Variants in ARHGEF10L observed in about 807,000 individuals in gnomAD.
The protein encoded by ARHGEF10L is Rho guanine nucleotide exchange factor 10 like.
In ARHGEF10L, 69 loss-of-function variants were observed where a neutral mutation model predicts 141.2. That is an observed-to-expected ratio of 0.49 (90% confidence interval 0.40 to 0.60). The LOEUF (loss-of-function observed/expected upper bound fraction) is 0.60, where lower values mean the gene tolerates loss of function less well. ARHGEF10L is among the 20% of genes least tolerant of loss of function. The probability of loss-of-function intolerance (pLI) is 0.00; values close to 1 mark genes in which losing one functional copy is unlikely to be tolerated. For missense variants in ARHGEF10L, 1,482 were observed against 1,734.3 expected, an observed-to-expected ratio of 0.85 and a Z score of 2.58; for synonymous variants, 711 against 718.5, an observed-to-expected ratio of 0.99 and a Z score of 0.17.
the ARHGEF10L span, among the ~76,000 whole-genome samples, chr1:17,514,221 C>T: frequency 2.0e-5 from 3 of 150,072 alleles, no homozygotes; most frequent in Non-Finnish European, 3.0e-5. Flanking sequence ...ACTGCAACCC[C>T]GCCTCTTGAG....
intron 1 of ARHGEF10L, among the ~76,000 whole-genome samples, chr1:17,548,225 T>A (rs538994058): frequency 6.6e-6 from 1 of 152,238 alleles, no homozygotes; most frequent in Non-Finnish European, 1.5e-5. Flanking sequence ...AAAAGACAGA[T>A]TAATAGGAGA....
At chr1:17,650,228 A>C (rs868660328) in intron 22 of ARHGEF10L, among the ~76,000 whole-genome samples, 11 of 148,646 alleles carry the variant, frequency 7.4e-5, no homozygotes, top group Admixed American at 2.7e-4. Flanking sequence ...TGGGCAACAT[A>C]GTAAGATCCC....
chr1:17,626,004 G>A lies in ARHGEF10L; in HGVS notation c.1366G>A (p.Val456Ile), dbSNP rs1432117417. 1 of 1,613,970 alleles carries A rather than the reference G, an allele frequency of 6.2e-7. No individual in the cohort carries two copies. The highest frequency in any genetic ancestry group is 2.2e-5 in the East Asian group (1 of 44,860). ...CCGTGTCACCCTCTACGGGCTGATG[G>A]TCAAGCCCATCCAGAGGTTCCCACA... ...PDRVTLYGLMVKPIQRFPQFI... is the reference protein window; with the variant it reads ...PDRVTLYGLMIKPIQRFPQFI... Residue 456 changes from valine (V) to isoleucine (I), a missense_variant, in exon 14 of 29, where the codon GTC becomes ATC. This residue lies in a region of ARHGEF10L where 392 missense variants were observed against 542.1 expected (regional missense o/e 0.72). Coordinates refer to ENST00000361221, the MANE Select transcript of ARHGEF10L (RefSeq NM_018125.4).
At chr1:17,609,334 C>T (rs2059422385) in intron 7 of ARHGEF10L, among the ~76,000 whole-genome samples, 1 of 152,222 alleles carries the variant, frequency 6.6e-6, no homozygotes, top group Non-Finnish European at 1.5e-5. Context: ...TCTCTCTCAG[C>T]CTGCTGTTTC....
chr1:17,540,122 G>GCCGCGAGC (rs1233107977), intron 1 of ARHGEF10L, among the ~76,000 whole-genome samples, 172 bp downstream of exon 1: 1 of 152,052 alleles, frequency 6.6e-6, no homozygotes, highest in Non-Finnish European at 1.5e-5. Flanking sequence ...GGGTGTGAGA[G>GCCGCGAGC]CCCCGAGCCC....
intron 25 of ARHGEF10L, among the ~76,000 whole-genome samples, chr1:17,661,614 C>T (rs945650576): frequency 2.6e-5 from 4 of 152,136 alleles, no homozygotes; most frequent in African/African-American, 9.7e-5. Context: ...TGGATAGAGC[C>T]CCACTTTCCA....
At chr1:17,588,416 A>G (rs2079214965) in intron 3 of ARHGEF10L, 30 bp from the exon 4 acceptor site, 2 of 1,613,500 alleles carry the variant, frequency 1.2e-6, no homozygotes, top group East Asian at 2.2e-5. Context: ...CTCTGGCCTG[A>G]CAGGCTCTCT....
chr1:17,579,859 C>A (rs2078405647), intron 1 of ARHGEF10L, among the ~76,000 whole-genome samples: 1 of 152,234 alleles, frequency 6.6e-6, no homozygotes, highest in Admixed American at 6.5e-5. Flanking sequence ...GAGGCATCAG[C>A]CTTTTGCTTA....
intron 9 of ARHGEF10L, among the ~76,000 whole-genome samples, chr1:17,618,785 C>T (rs1028232723): frequency 1.3e-5 from 2 of 152,330 alleles, no homozygotes; most frequent in Middle Eastern, 3.4e-3. Context: ...TCATTCCGTC[C>T]TCCGTCTGAG....
intron 1 of ARHGEF10L, among the ~76,000 whole-genome samples, chr1:17,567,399 C>T (rs1157077298): frequency 6.6e-6 from 1 of 152,212 alleles, no homozygotes; most frequent in Non-Finnish European, 1.5e-5. Flanking sequence ...TGTAGTCTCA[C>T]TCTGTCGCCC....
In ARHGEF10L at chr1:17,648,801, A is replaced by G. The variant is rs551133893; in HGVS notation, c.2394+126A>G. Reference sequence around the variant, plus strand: ...GCTCAGGTTCCAGCTGTGGCTTCTAAATTCTTACTGACAGATTTGGTCAAG... The same window carrying G: ...GCTCAGGTTCCAGCTGTGGCTTCTAGATTCTTACTGACAGATTTGGTCAAG... On this transcript the variant is annotated intron_variant, in intron 22 of 28. Transcript: ENST00000361221. 844 of 1,344,498 alleles carry G rather than the reference A, an allele frequency of 6.3e-4. 11 individuals carry two copies. The highest frequency in any genetic ancestry group is 6.0e-3 in the South Asian group (375 of 62,884). The allele number at this position is 1,344,498 out of a possible 1,614,324, so 83.3% of individuals were successfully genotyped here. A position where few individuals can be genotyped will look rare whatever the true frequency, so the allele number is the denominator to read the frequency against.
At position 17,627,114 on chromosome 1, in the gene ARHGEF10L, G is replaced by C. The variant is rs1443786737; in HGVS notation, c.1411-216G>C. Among the ~76,000 whole-genome samples, 1 of 152,258 alleles carries C rather than the reference G, an allele frequency of 6.6e-6. No homozygotes were observed. The highest frequency in any genetic ancestry group is 2.4e-5 in the African/African-American group (1 of 41,466). ...GAGACCCCGCTTTCAGTTCATGTGG[G>C]TCTATTCCTAGAAAGATCCATGCTT... is the stretch of plus-strand genomic sequence containing the variant. On this transcript the variant is annotated intron_variant, in intron 14 of 28. Coordinates refer to ENST00000361221, the MANE Select transcript of ARHGEF10L (RefSeq NM_018125.4). The surrounding 1 kb of genome is among the most constrained non-coding windows in gnomAD (Gnocchi z 4.0).
At chr1:17,622,922 C>A (rs889008905) in intron 11 of ARHGEF10L, 74 bp from the exon 12 acceptor site, 2 of 1,500,894 alleles carry the variant, frequency 1.3e-6, no homozygotes, top group Admixed American at 2.0e-5. Flanking sequence ...CATGGCTGGC[C>A]GAGTTCTGCA....
intron 4 of ARHGEF10L, among the ~76,000 whole-genome samples, chr1:17,601,853 C>G (rs967344061): frequency 6.6e-6 from 1 of 152,144 alleles, no homozygotes; most frequent in Non-Finnish European, 1.5e-5. Context: ...TAGGGAGAGA[C>G]GAGACAGCCC....
At chr1:17,664,367 C>T in intron 25 of ARHGEF10L, 80 bp from the exon 26 acceptor site, 2 of 1,482,378 alleles carry the variant, frequency 1.3e-6, no homozygotes, top group South Asian at 2.6e-5. Context: ...CCCTGCTGAG[C>T]CCCCTGCTGC....
chr1:17,638,572 T>A lies in ARHGEF10L; in HGVS notation c.2054T>A (p.Met685Lys). 1 of 1,614,140 alleles carries A rather than the reference T, an allele frequency of 6.2e-7. No homozygotes were observed. The highest frequency in any genetic ancestry group is 8.5e-7 in the Non-Finnish European group (1 of 1,180,004). Residue 685 changes from methionine (M) to lysine (K), a missense_variant, in exon 20 of 29, where the codon ATG becomes AAG. Coordinates refer to ENST00000361221, the MANE Select transcript of ARHGEF10L (RefSeq NM_018125.4). The part of the protein sequence containing the change: ...TLHGTYQNLN[M>K]TVAQDWCLAL... ...CCTCCTGAACCCTAGAACCTGAACA[T>A]GACTGTGGCTCAAGACTGGTGCCTG...
At chr1:17,523,843 G>C in the ARHGEF10L span, among the ~76,000 whole-genome samples, 1 of 152,218 alleles carries the variant, frequency 6.6e-6, no homozygotes, top group East Asian at 1.9e-4. Flanking sequence ...TTCCCTGTGA[G>C]TAATAGTTAT....
At chr1:17,677,569 C>T (rs2063801877) in intron 26 of ARHGEF10L, among the ~76,000 whole-genome samples, 1 of 152,292 alleles carries the variant, frequency 6.6e-6, no homozygotes, top group East Asian at 1.9e-4. Flanking sequence ...ATGGACCTGC[C>T]TCTCTGATAT....
chr1:17,618,257 T>TC, intron 9 of ARHGEF10L: 12 of 714,904 alleles, frequency 1.7e-5, no homozygotes, highest in Non-Finnish European at 2.0e-5. Flanking sequence ...TCCTCAGCCC[T>TC]CCCCACCCCG....
Sources: allele counts gnomAD v4.1 joint callset (sites outside exome capture counted in the v4.1 genomes callset), GRCh38; gene constraint gnomAD v4.1.1; regional missense constraint gnomAD v4.1.1; non-coding constraint Gnocchi (gnomAD v3.1); transcripts MANE v1.5; gene names NCBI Gene and HGNC (gene_info 2026-07-23, HGNC 2026-07-21).